Variants in CPNE8 observed in about 807,000 individuals in gnomAD.
CPNE8 encodes the protein copine-8.
CPNE8 carries 45 observed loss-of-function variants against 81.5 expected under a neutral mutation model. The observed-to-expected ratio is 0.55, with a 90% confidence interval of 0.44 to 0.71. CPNE8 has a LOEUF of 0.71. Among genes scored for constraint, CPNE8 ranks in the 30% least tolerant of loss-of-function variants. CPNE8 has a pLI of 0.00. For synonymous variants in CPNE8, 252 were observed against 226.3 expected (o/e 1.11, Z -1.02); for missense variants, 594 against 672.1 (o/e 0.88, Z 1.28).
intron 13 of CPNE8, among the ~76,000 whole-genome samples, chr12:38,710,693 T>C (rs1301158936): frequency 6.6e-6 from 1 of 152,172 alleles, no homozygotes; most frequent in African/African-American, 2.4e-5. Context: ...CATAAATTTA[T>C]TTTCCACTAG....
At chr12:38,680,602 C>CA (rs1311203205) in intron 16 of CPNE8, among the ~76,000 whole-genome samples, 2 of 152,068 alleles carry the variant, frequency 1.3e-5, no homozygotes, top group East Asian at 3.9e-4. Context: ...AGCTCTACCA[C>CA]AAATGATCAC....
chr12:38,874,250 T>A (rs1944035014), intron 2 of CPNE8, among the ~76,000 whole-genome samples: 2 of 152,210 alleles, frequency 1.3e-5, no homozygotes, highest in African/African-American at 2.4e-5. Flanking sequence ...AAGTGAACTG[T>A]CCCACATTGG....
intron 15 of CPNE8, among the ~76,000 whole-genome samples, chr12:38,692,679 G>A (rs188218907): frequency 1.3e-5 from 2 of 152,218 alleles, no homozygotes; most frequent in African/African-American, 4.8e-5. Flanking sequence ...ATGGTGAGAA[G>A]AAACATATGA....
intron 11 of CPNE8, chr12:38,726,554 G>T (rs1408800691): frequency 6.6e-6 from 1 of 152,128 alleles, no homozygotes; most frequent in Non-Finnish European, 1.5e-5. Flanking sequence ...GAGATTTGAA[G>T]AATTCCGCAA....
At position 38,839,970 on chromosome 12, in the gene CPNE8, T is replaced by C. The variant is rs746224180; in HGVS notation, c.291-15A>G. 15 of 1,566,130 alleles carry C rather than the reference T, an allele frequency of 9.6e-6. No homozygotes were observed. Among genetic ancestry groups the C allele is most frequent in the South Asian group, 2.4e-5 (2 of 85,032 alleles). ...CAACATCATACCTAAAAGATTGAAA[T>C]ATAAAACTCAAATTATTTCCACAAA... On this transcript the variant is annotated splice_polypyrimidine_tract_variant and intron_variant, in intron 4 of 19. Coordinates refer to ENST00000331366, the MANE Select transcript of CPNE8 (RefSeq NM_153634.3).
At chr12:38,895,848 A>G (rs1473028787) in intron 1 of CPNE8, among the ~76,000 whole-genome samples, 1 of 152,160 alleles carries the variant, frequency 6.6e-6, no homozygotes, top group African/African-American at 2.4e-5. Flanking sequence ...TAATATAGCT[A>G]ATGGTCATAA....
chr12:38,858,917 T>C (rs1381753413), intron 3 of CPNE8, among the ~76,000 whole-genome samples: 1 of 152,192 alleles, frequency 6.6e-6, no homozygotes, highest in Non-Finnish European at 1.5e-5. Flanking sequence ...TCTACAACCT[T>C]TCTTGATGAA....
Position 38,833,628 on chromosome 12 carries a change from G to A in CPNE8, c.331-4173C>T, listed in dbSNP as rs911415915. Among the ~76,000 whole-genome samples the A allele has an allele frequency of 9.2e-5, 14 of 151,516 alleles. No homozygotes were observed. The East Asian group carries it at 2.6e-3, about 28-fold the overall frequency. On this transcript the variant is annotated intron_variant, in intron 5 of 19. Coordinates refer to ENST00000331366, the MANE Select transcript of CPNE8 (RefSeq NM_153634.3). The stretch of plus-strand genomic sequence containing the variant: ...CGAGTAGCTGGGACTACAGGCACTC[G>A]TCACCACGCCCAGCTAATTTTTTGT...
intron 19 of CPNE8, 59 bp from the exon 20 acceptor site, chr12:38,654,129 C>CA: frequency 6.7e-6 from 10 of 1,500,558 alleles, no homozygotes; most frequent in East Asian, 2.4e-5. Context: ...GTAATAAACA[C>CA]AAAAAATCAA....
chr12:38,742,979 A>T (rs978232458), intron 10 of CPNE8, among the ~76,000 whole-genome samples: 1 of 151,990 alleles, frequency 6.6e-6, no homozygotes, highest in African/African-American at 2.4e-5. Flanking sequence ...TTCTGAAGGA[A>T]AAAGTTGTCT....
At chr12:38,748,572 C>T (rs1941288609) in intron 10 of CPNE8, among the ~76,000 whole-genome samples, 1 of 152,020 alleles carries the variant, frequency 6.6e-6, no homozygotes, top group African/African-American at 2.4e-5. Flanking sequence ...GTGATCGCAG[C>T]TCACTGCAAG....
At chr12:38,846,891 G>A (rs190064967) in intron 4 of CPNE8, among the ~76,000 whole-genome samples, 64 of 152,142 alleles carry the variant, frequency 4.2e-4, no homozygotes, top group Non-Finnish European at 7.4e-4. Flanking sequence ...TAAGTGTTTG[G>A]TTAAATAAAT....
chr12:38,808,952 A>G (rs1036377925), intron 6 of CPNE8, among the ~76,000 whole-genome samples: 1 of 151,226 alleles, frequency 6.6e-6, no homozygotes, highest in Admixed American at 6.7e-5. Context: ...TATATGATAT[A>G]TTGACAAAAA....
At chr12:38,711,617 C>T (rs532809628) in intron 13 of CPNE8, among the ~76,000 whole-genome samples, 4 of 152,016 alleles carry the variant, frequency 2.6e-5, no homozygotes, top group East Asian at 1.9e-4. Context: ...TACAGGCATG[C>T]GCCACCACGC....
At chr12:38,837,532 G>T (rs1034035281) in intron 5 of CPNE8, among the ~76,000 whole-genome samples, 1 of 151,930 alleles carries the variant, frequency 6.6e-6, no homozygotes, top group Admixed American at 6.6e-5. Flanking sequence ...AGTGAGATGA[G>T]ATAAAAATTG....
chr12:38,796,274 G>A (rs1179034154), intron 6 of CPNE8, among the ~76,000 whole-genome samples: 1 of 151,678 alleles, frequency 6.6e-6, no homozygotes, highest in African/African-American at 2.4e-5. Flanking sequence ...GAGAGAGAGT[G>A]GGACTCCATC....
At chr12:38,700,285 C>T (rs1170858741) in intron 14 of CPNE8, among the ~76,000 whole-genome samples, 1 of 138,246 alleles carries the variant, frequency 7.2e-6, no homozygotes, top group Admixed American at 7.9e-5. Flanking sequence ...GTCACCCAAG[C>T]TGGAGTGCAA....
chr12:38,756,614 G>A (rs1202039406), intron 10 of CPNE8, among the ~76,000 whole-genome samples: 1 of 152,162 alleles, frequency 6.6e-6, no homozygotes, highest in Admixed American at 6.5e-5. Flanking sequence ...GATTGAAAGA[G>A]CACATTGCCT....
intron 19 of CPNE8, among the ~76,000 whole-genome samples, chr12:38,660,753 T>TAAACAAATTTATAAGAAAA (rs1938933596): frequency 6.6e-6 from 1 of 152,044 alleles, no homozygotes; most frequent in African/African-American, 2.4e-5. Context: ...ACAAAGCACT[T>TAAACAAATTTATAAGAAAA]AAACAAATTT....
Sources: allele counts gnomAD v4.1 joint callset (sites outside exome capture counted in the v4.1 genomes callset), GRCh38; gene constraint gnomAD v4.1.1; transcripts MANE v1.5; gene names NCBI Gene and HGNC (gene_info 2026-07-23, HGNC 2026-07-21).